Variants in COL6A1 observed in about 807,000 individuals in gnomAD.
COL6A1 encodes collagen type VI alpha 1 chain.
In COL6A1, 80 loss-of-function variants were observed where a neutral mutation model predicts 145.6. The observed-to-expected ratio is 0.55, with a 90% confidence interval of 0.46 to 0.66. The LOEUF is 0.66. Among genes scored for constraint, COL6A1 ranks in the 30% least tolerant of loss-of-function variants. COL6A1 has a pLI of 0.00. For synonymous variants in COL6A1, 638 were observed against 622.8 expected (o/e 1.02, Z -0.36); for missense variants, 1,364 against 1,473.8 (o/e 0.93, Z 1.22).
chr21:46,001,174 G>A, intron 29 of COL6A1, 79 bp from the exon 30 acceptor site: 1 of 1,561,542 alleles, frequency 6.4e-7, no homozygotes, highest in South Asian at 1.1e-5. Flanking sequence ...CAGCCAAGGA[G>A]GGGCCAGGGC....
Position 46,004,746 on chromosome 21 carries a change from C to A in COL6A1, c.*733C>A, listed in dbSNP as rs903290068. 2.5e-5 allele frequency: 11 copies of A among 443,458 alleles called. No individual in the cohort carries two copies. The highest frequency in any genetic ancestry group is 1.7e-4 in the South Asian group (11 of 62,892). 27.5% of individuals were successfully genotyped at this position (443,458 alleles called of 1,614,324 possible). On this transcript the variant is annotated 3_prime_UTR_variant, in exon 35 of 35. Coordinates refer to ENST00000361866, the MANE Select transcript of COL6A1 (RefSeq NM_001848.3). ...GCTGCTGACCAGCACTGACCCCGACCTCAGAGAGTACTCGCAGGGGCGCTG... is the reference window on the plus strand; with the variant it reads ...GCTGCTGACCAGCACTGACCCCGACATCAGAGAGTACTCGCAGGGGCGCTG...
chr21:45,995,702 GTCC>G lies in COL6A1; in HGVS notation c.1398+1474_1398+1476del, dbSNP rs1037893359. Among the ~76,000 whole-genome samples the G allele has an allele frequency of 4.9e-4, 74 of 152,220 alleles. 1 individual carries two copies. The highest frequency in any genetic ancestry group is 2.2e-4 in the Non-Finnish European group (15 of 68,036). On this transcript the variant is annotated intron_variant, in intron 20 of 34. Transcript: ENST00000361866. ...GGGCAGGCTGCACAGGGGCTGGTGG[GTCC>G]CATGCCTGGGGGTCTGGGAATAGTC...
rs2077773464 is a variant in COL6A1 at position 45,990,963 on chromosome 21, G to A, written c.1057-16G>A. 3 of 1,613,368 alleles carry A rather than the reference G, an allele frequency of 1.9e-6. No individual in the cohort carries two copies. The highest frequency in any genetic ancestry group is 1.7e-4 in the Middle Eastern group (1 of 6,050). On this transcript the variant is annotated splice_polypyrimidine_tract_variant and intron_variant, in intron 14 of 34. Transcript: ENST00000361866. The stretch of plus-strand genomic sequence containing the variant: ...TGGCCTCTGCCGGTGGTGTCATGCT[G>A]CCCTCTTTTCTCCAGGGCATTCAAG...
intron 13 of COL6A1, 53 bp from the exon 14 acceptor site, chr21:45,990,720 C>A: frequency 6.6e-7 from 1 of 1,523,406 alleles, no homozygotes; most frequent in East Asian, 2.3e-5. Flanking sequence ...AGTTGATTGG[C>A]CTCAGTTTAC....
chr21:45,984,406 A>C lies in COL6A1; in HGVS notation c.365A>C (p.Tyr122Ser), dbSNP rs2077725785. Residue 122 changes from tyrosine (Y) to serine (S), a missense_variant, in exon 3 of 35, where the codon TAC becomes TCC. Physicochemically the swap from Tyr to Ser is moderately radical, Grantham distance 144. This residue lies in a region of COL6A1 where 414 missense variants were observed against 437.6 expected (regional missense o/e 0.95). Transcript: ENST00000361866. The stretch of plus-strand genomic sequence containing the variant: ...AAAAGCAGCGTGGACGCGGTCAAGT[A>C]CTTTGGGAAGGGCACCTACACCGAC... Reference protein sequence around the residue: ...ALKSSVDAVKYFGKGTYTDCA... With the variant: ...ALKSSVDAVKSFGKGTYTDCA... The C allele has an allele frequency of 6.2e-7, 1 of 1,612,550 alleles. No individual in the cohort carries two copies.
chr21:45,982,170 A>G (rs1209289484), intron 1 of COL6A1, among the ~76,000 whole-genome samples: 1 of 151,954 alleles, frequency 6.6e-6, no homozygotes, highest in Non-Finnish European at 1.5e-5. Context: ...GCGGGGCCGG[A>G]CCGCAGGCAG....
intron 3 of COL6A1, among the ~76,000 whole-genome samples, chr21:45,985,119 C>T (rs139463824): frequency 1.0e-3 from 154 of 148,290 alleles, no homozygotes; most frequent in African/African-American, 3.8e-3. Context: ...GGGGCAGAGA[C>T]AGGCAGACAG....
At position 45,984,709 on chromosome 21, in the gene COL6A1, C is replaced by T. The variant is rs189154385; in HGVS notation, c.428+240C>T. Among the ~76,000 whole-genome samples the T allele has an allele frequency of 4.7e-3, 673 of 142,006 alleles. 2 individuals carry two copies. The highest frequency in any genetic ancestry group is 7.8e-3 in the Non-Finnish European group (489 of 62,914). 93.2% of individuals were successfully genotyped at this position (142,006 alleles called of 152,430 possible). A position where few individuals can be genotyped will look rare whatever the true frequency, so the allele number is the denominator to read the frequency against. The stretch of plus-strand genomic sequence containing the variant: ...AGACAGAGACAGAGAGAGATAGAGA[C>T]AGAGACAGAGAGAGACAGAGACAAA... On this transcript the variant is annotated intron_variant, in intron 3 of 34. Transcript: ENST00000361866.
Position 45,990,206 on chromosome 21 carries a change from C to T in COL6A1, c.931-52C>T, listed in dbSNP as rs556838462. On this transcript the variant is annotated intron_variant, in intron 11 of 34. Coordinates refer to ENST00000361866, the MANE Select transcript of COL6A1 (RefSeq NM_001848.3). ...TCGCGTGGGCCTAAGCCAGGCTTGC[C>T]CTGCCCTCCCCACCCCAAATACCCC... is the stretch of plus-strand genomic sequence containing the variant. 1.6e-5 allele frequency: 26 copies of T among 1,609,568 alleles called. No homozygotes were observed. The South Asian group carries it at 2.9e-4, about 18-fold the overall frequency.
chr21:45,998,815 T>TTTA, intron 24 of COL6A1, 82 bp from the exon 25 acceptor site: 1 of 1,331,884 alleles, frequency 7.5e-7, no homozygotes, highest in Middle Eastern at 1.8e-4. Context: ...CTCTCTTATC[T>TTTA]TTATTTTTTT....
Position 46,004,186 on chromosome 21 carries a change from C to G in COL6A1, c.*173C>G, listed in dbSNP as rs1158709270. The G allele has an allele frequency of 3.3e-6, 3 of 902,228 alleles. No homozygotes were observed. Among genetic ancestry groups the G allele is most frequent in the Non-Finnish European group, 5.0e-6 (3 of 601,380 alleles). 55.9% of individuals were successfully genotyped at this position (902,228 alleles called of 1,614,324 possible). A position where few individuals can be genotyped will look rare whatever the true frequency, so the allele number is the denominator to read the frequency against. Reference sequence around the variant, plus strand: ...TGCTGCCTGCTTTGTGCAGGGTCCTCCGGGGCTCAGCCCTGAGTTGGCATC... The same window carrying G: ...TGCTGCCTGCTTTGTGCAGGGTCCTGCGGGGCTCAGCCCTGAGTTGGCATC... On this transcript the variant is annotated 3_prime_UTR_variant, in exon 35 of 35. Transcript: ENST00000361866.
chr21:45,986,722 A>G lies in COL6A1; in HGVS notation c.588+37A>G, dbSNP rs117470181. The G allele has an allele frequency of 0.013, 19,395 of 1,538,340 alleles. 1,155 individuals carry two copies. In the East Asian group the frequency reaches 0.18, roughly 14 times the overall value. On this transcript the variant is annotated intron_variant, in intron 4 of 34. Transcript: ENST00000361866. ...CCCCCCCCGGCAGATGCCCCCAACC[A>G]CAGGGAGTGGCGGCTGCAAGGCCCC...
In COL6A1 at chr21:46,003,175, G is replaced by A. The variant is rs368106868; in HGVS notation, c.2464+26G>A. On this transcript the variant is annotated intron_variant, in intron 34 of 34. Transcript: ENST00000361866. ...GTGAGTACCTCGGCGGCCGGGACACGTGGGGAGGAGGGCACCGTGGTTGGG... is the reference window on the plus strand; with the variant it reads ...GTGAGTACCTCGGCGGCCGGGACACATGGGGAGGAGGGCACCGTGGTTGGG... 7.8e-5 allele frequency: 126 copies of A among 1,613,954 alleles called. 1 individual carries two copies. In the African/African-American group the frequency reaches 1.2e-3, roughly 15 times the overall value.
intron 8 of COL6A1, 87 bp from the exon 9 acceptor site, chr21:45,988,997 G>C: frequency 6.7e-7 from 1 of 1,502,706 alleles, no homozygotes; most frequent in Admixed American, 1.8e-5. Flanking sequence ...AAGGCTGGAT[G>C]AAGCGTCTTT....
intron 19 of COL6A1, among the ~76,000 whole-genome samples, chr21:45,993,949 C>T (rs539660506): frequency 6.6e-5 from 10 of 152,288 alleles, no homozygotes; most frequent in Middle Eastern, 3.4e-3. Flanking sequence ...GAGGAGCTGC[C>T]GGCCTCCTGA....
In COL6A1 at chr21:45,986,991, C is replaced by CT. The variant is rs2077742919; in HGVS notation, c.638dup (p.Thr214HisfsTer4). The CT allele has an allele frequency of 1.3e-6, 2 of 1,551,888 alleles. No homozygotes were observed. Among genetic ancestry groups the CT allele is most frequent in the African/African-American group, 2.7e-5 (2 of 73,292 alleles). On this transcript the variant is annotated frameshift_variant, in exon 5 of 35. Transcript: ENST00000361866. LOFTEE classifies it high-confidence loss of function. ...CCACGGACCACACGTACCGGCGCAA[C>CT]TTCACGGCGGCTGACTGGGGCCAGA...
chr21:46,002,815 TCCCAGATCTGCGTAGGTGCACGCGGGGCC>T (rs2077856200), intron 33 of COL6A1, 105 bp downstream of exon 33: 1 of 1,343,192 alleles, frequency 7.4e-7, no homozygotes, highest in Non-Finnish European at 1.0e-6. Flanking sequence ...GCCCGGGCAG[TCCCAGATCTGCGTAGGTGCACGCGGGGCC>T]GCCCAGGGCC....
chr21:45,996,701 C>T (rs1251033033), intron 20 of COL6A1, among the ~76,000 whole-genome samples: 1 of 152,182 alleles, frequency 6.6e-6, no homozygotes, highest in Admixed American at 6.5e-5. Flanking sequence ...GCTGGGCGCG[C>T]TGGGAAGTGC....
intron 26 of COL6A1, 71 bp downstream of exon 26, chr21:45,999,289 G>C: frequency 7.1e-7 from 1 of 1,400,874 alleles, no homozygotes; most frequent in Non-Finnish European, 9.9e-7. Context: ...GCTGGGGAAT[G>C]CTGGAAGAGG....
Sources: gnomAD v4.1 joint callset for allele counts (sites outside exome capture counted in the v4.1 genomes callset) on GRCh38, gnomAD v4.1.1 for gene constraint, gnomAD v4.1.1 regional missense constraint, MANE v1.5 for transcripts, NCBI Gene and HGNC (gene_info 2026-07-23, HGNC 2026-07-21) for gene names.